The following CNTNAP5 variants were observed in gnomAD, a reference collection of about 807,000 sequenced individuals.
CNTNAP5 encodes the protein contactin-associated protein-like 5.
In CNTNAP5, 72 loss-of-function variants were observed where a neutral mutation model predicts 150.2. That is an observed-to-expected ratio of 0.48 (90% CI 0.40 to 0.58). CNTNAP5 has a LOEUF of 0.58. CNTNAP5 is among the 20% of genes least tolerant of loss of function. The pLI is 0.00. For missense variants in CNTNAP5, 1,636 were observed against 1,626.2 expected, an observed-to-expected ratio of 1.01 and a Z score of -0.10; for synonymous variants, 672 against 619.8, an observed-to-expected ratio of 1.08 and a Z score of -1.25.
At chr2:124,497,228 T>C (rs1446707713) in intron 7 of CNTNAP5, among the ~76,000 whole-genome samples, 2 of 152,176 alleles carry the variant, frequency 1.3e-5, no homozygotes, top group East Asian at 1.9e-4. Context: ...TAAACAGTAA[T>C]AGGTGTCTTT....
At chr2:124,733,494 C>T (rs1480112965) in intron 13 of CNTNAP5, among the ~76,000 whole-genome samples, 1 of 151,702 alleles carries the variant, frequency 6.6e-6, no homozygotes, top group Non-Finnish European at 1.5e-5. Flanking sequence ...GTCAACTATT[C>T]CTGCAGGAAA....
At position 124,128,542 on chromosome 2, in the gene CNTNAP5, C is replaced by T. The variant is rs962399312; in HGVS notation, c.83-93163C>T. Among the ~76,000 whole-genome samples, 4 of 152,112 alleles carry T rather than the reference C, an allele frequency of 2.6e-5. No homozygotes were observed. The South Asian group carries it at 6.2e-4, about 24-fold the overall frequency. On this transcript the variant is annotated intron_variant, in intron 1 of 23. Coordinates refer to ENST00000682447, the MANE Select transcript of CNTNAP5 (RefSeq NM_001367498.1). Reference sequence around the variant, plus strand: ...TCTAGAACTAGAAATACCATTTGACCCAGCCATCCCATTACTGGGTATATA... The same window carrying T: ...TCTAGAACTAGAAATACCATTTGACTCAGCCATCCCATTACTGGGTATATA...
At chr2:124,484,628 C>T (rs1027265690) in intron 7 of CNTNAP5, among the ~76,000 whole-genome samples, 1 of 152,122 alleles carries the variant, frequency 6.6e-6, no homozygotes, top group Non-Finnish European at 1.5e-5. Context: ...CTCTGCTCAC[C>T]ATTTCTTCTC....
chr2:124,145,836 A>AAAAAAAAAAAAAAAAAAAAAAG (rs1684235848), intron 1 of CNTNAP5, among the ~76,000 whole-genome samples: 2 of 75,804 alleles, frequency 2.6e-5, no homozygotes, highest in African/African-American at 4.8e-5. Flanking sequence ...AAAGAAGAAA[A>AAAAAAAAAAAAAAAAAAAAAAG]AAAAAAAAAA....
At chr2:124,712,455 GC>G (rs1679826847) in intron 13 of CNTNAP5, among the ~76,000 whole-genome samples, 1 of 152,224 alleles carries the variant, frequency 6.6e-6, no homozygotes, top group Non-Finnish European at 1.5e-5. Context: ...TTGGAGCTCT[GC>G]TCTTGCCCAC....
chr2:124,573,920 T>C (rs1696219677), intron 11 of CNTNAP5, among the ~76,000 whole-genome samples: 1 of 152,222 alleles, frequency 6.6e-6, no homozygotes, highest in South Asian at 2.1e-4. Flanking sequence ...AGACAACATC[T>C]AGCACAATAT....
At chr2:124,734,832 G>A (rs1040398691) in intron 13 of CNTNAP5, among the ~76,000 whole-genome samples, 5 of 151,998 alleles carry the variant, frequency 3.3e-5, no homozygotes, top group African/African-American at 9.7e-5. Flanking sequence ...TGGTGTCATC[G>A]AACAAGAATT....
At chr2:124,045,986 A>G (rs538604236) in intron 1 of CNTNAP5, among the ~76,000 whole-genome samples, 1 of 152,306 alleles carries the variant, frequency 6.6e-6, no homozygotes, top group Non-Finnish European at 1.5e-5. Context: ...AGGTATTTAT[A>G]TTTCACCCAA....
rs79353680 is a variant in CNTNAP5 at position 124,529,406 on chromosome 2, G to T, written c.1649+1950G>T. 6.2e-4 allele frequency among the ~76,000 whole-genome samples: 95 copies of T among 152,246 alleles called. No individual in the cohort carries two copies. In the East Asian group the frequency reaches 0.016, roughly 25 times the overall value. Reference sequence around the variant, plus strand: ...TGTGTAATTGTAGTCTTGTATAATTGTATTACATACAATTGTGCTTTCATT... The same window carrying T: ...TGTGTAATTGTAGTCTTGTATAATTTTATTACATACAATTGTGCTTTCATT... On this transcript the variant is annotated intron_variant, in intron 10 of 23. Transcript: ENST00000682447.
chr2:124,312,304 G>A (rs142125319), intron 3 of CNTNAP5, among the ~76,000 whole-genome samples: 389 of 152,270 alleles, frequency 2.6e-3, no homozygotes, highest in African/African-American at 9.0e-3. Context: ...AAGTGAGTAA[G>A]TCTTTAGCAG....
intron 11 of CNTNAP5, among the ~76,000 whole-genome samples, chr2:124,576,138 A>ATATATC (rs60325451): frequency 0.042 from 6,339 of 151,002 alleles, 126 homozygotes; most frequent in Middle Eastern, 0.069. Flanking sequence ...GGATGGCTGT[A>ATATATC]TATATCTATA....
chr2:124,290,090 C>T (rs6721093), intron 3 of CNTNAP5, among the ~76,000 whole-genome samples: 49,922 of 151,974 alleles, frequency 0.33, 8,404 homozygotes, highest in South Asian at 0.51. Context: ...GTGCTTCCCT[C>T]GACTTCCCCT....
intron 3 of CNTNAP5, among the ~76,000 whole-genome samples, chr2:124,393,567 G>A (rs1218663900): frequency 6.6e-6 from 1 of 152,210 alleles, no homozygotes; most frequent in African/African-American, 2.4e-5. Flanking sequence ...AGCCCCTAAT[G>A]CCAGGCAACC....
At chr2:124,436,721 G>A (rs990679555) in intron 5 of CNTNAP5, among the ~76,000 whole-genome samples, 4 of 152,104 alleles carry the variant, frequency 2.6e-5, no homozygotes, top group Non-Finnish European at 4.4e-5. Context: ...TTTCTTCCCA[G>A]TTTCCATCTT....
intron 1 of CNTNAP5, among the ~76,000 whole-genome samples, chr2:124,066,832 G>A (rs898289369): frequency 6.6e-6 from 1 of 152,072 alleles, no homozygotes; most frequent in Non-Finnish European, 1.5e-5. Flanking sequence ...TAATGGTACT[G>A]TCCTTTTAAT....
chr2:124,474,969 G>A (rs75005691), intron 7 of CNTNAP5, 87 bp downstream of exon 7: 91 of 1,152,602 alleles, frequency 7.9e-5, no homozygotes, highest in Admixed American at 1.7e-4. Context: ...GAACCCATTC[G>A]TAATGTGTTT....
chr2:124,899,872 G>T (rs1207105290), intron 21 of CNTNAP5, among the ~76,000 whole-genome samples: 1 of 151,520 alleles, frequency 6.6e-6, no homozygotes, highest in South Asian at 2.1e-4. Context: ...AGAGTTCAGT[G>T]AATTCTGTGA....
At chr2:124,400,678 TTTTTTTTTTTG>T (rs1691392517) in intron 3 of CNTNAP5, among the ~76,000 whole-genome samples, 3 of 105,912 alleles carry the variant, frequency 2.8e-5, no homozygotes, top group East Asian at 3.0e-4. Context: ...TGTTTTTTTT[TTTTTTTTTTTG>T]TTTTTTTTCT....
chr2:124,350,470 C>A (rs1339213621), intron 3 of CNTNAP5, among the ~76,000 whole-genome samples: 1 of 147,754 alleles, frequency 6.8e-6, no homozygotes, highest in Admixed American at 6.7e-5. Flanking sequence ...TTTTTTAATC[C>A]TTCATTTTCC....
Sources: gnomAD v4.1 joint callset for allele counts (sites outside exome capture counted in the v4.1 genomes callset) on GRCh38, gnomAD v4.1.1 for gene constraint, MANE v1.5 for transcripts, NCBI Gene and HGNC (gene_info 2026-07-23, HGNC 2026-07-21) for gene names.